The following CHEK1 variants were observed in gnomAD, a reference collection of about 807,000 sequenced individuals.
The protein encoded by CHEK1 is serine/threonine-protein kinase Chk1.
A neutral mutation model predicts 60.2 loss-of-function variants in CHEK1; 32 were observed. That is an observed-to-expected ratio of 0.53 (90% CI 0.40 to 0.71). CHEK1 has a LOEUF of 0.71. Ranked by LOEUF, CHEK1 falls within the 30% of genes least tolerant of loss-of-function variation. The pLI, the probability that CHEK1 is intolerant of heterozygous loss-of-function variation, is 0.00. For synonymous variants in CHEK1, 179 were observed against 187.2 expected (o/e 0.96, Z 0.36); for missense variants, 399 against 564.6 (o/e 0.71, Z 2.97).
chr11:125,654,057 G>T (rs1214198993), intron 12 of CHEK1, among the ~76,000 whole-genome samples: 6 of 152,002 alleles, frequency 3.9e-5, no homozygotes, highest in African/African-American at 1.4e-4. Context: ...TTTGCCAGGC[G>T]TGGTGGCTCA....
intron 3 of CHEK1, among the ~76,000 whole-genome samples, chr11:125,628,226 T>G (rs1372235460): frequency 5.3e-5 from 8 of 152,222 alleles, no homozygotes; most frequent in Non-Finnish European, 1.2e-4. Flanking sequence ...TAAAATAGCA[T>G]GCTGTTTCCT....
chr11:125,640,268 G>A (rs1162580115), intron 8 of CHEK1, among the ~76,000 whole-genome samples: 2 of 152,140 alleles, frequency 1.3e-5, no homozygotes, highest in African/African-American at 2.4e-5. Context: ...TTGGCCGGGC[G>A]CGGTGGCTCA....
chr11:125,663,148 A>G (rs557342931), intron 13 of CHEK1, among the ~76,000 whole-genome samples: 1 of 152,182 alleles, frequency 6.6e-6, no homozygotes, highest in East Asian at 1.9e-4. Flanking sequence ...AAAAAAAACA[A>G]ATATGTCTCC....
intron 11 of CHEK1, among the ~76,000 whole-genome samples, chr11:125,648,575 C>A (rs547208908): frequency 6.7e-6 from 1 of 150,082 alleles, no homozygotes; most frequent in East Asian, 1.9e-4. Flanking sequence ...GATCAAGACT[C>A]CGTCTCAAAA....
rs144289861 is a variant in CHEK1, at chr11:125,625,471, C to A, written c.-562C>A. On this transcript the variant is annotated 5_prime_UTR_variant, in exon 1 of 13. Coordinates refer to ENST00000438015, the MANE Select transcript of CHEK1 (RefSeq NM_001114122.3). ...CTCTCAGCAGCTGCTGCTGGTTTCT[C>A]GGCTCCAGCACCACGAGTACCGCAC... The A allele has an allele frequency of 1.4e-3, 504 of 356,710 alleles. 1 individual carries two copies. The highest frequency in any genetic ancestry group is 8.9e-3 in the African/African-American group (435 of 48,934). 22.1% of individuals were successfully genotyped at this position (356,710 alleles called of 1,614,324 possible). A position where few individuals can be genotyped will look rare whatever the true frequency, so the allele number is the denominator to read the frequency against.
intron 11 of CHEK1, among the ~76,000 whole-genome samples, chr11:125,650,974 T>G (rs1165765654): frequency 6.6e-6 from 1 of 152,150 alleles, no homozygotes; most frequent in Non-Finnish European, 1.5e-5. Context: ...AAATGCAAAG[T>G]TAGGGCACAT....
At chr11:125,675,753 G>T (rs762060291) in intron 13 of CHEK1, among the ~76,000 whole-genome samples, 63 of 152,182 alleles carry the variant, frequency 4.1e-4, no homozygotes, top group Admixed American at 5.9e-4. Flanking sequence ...ATAGCTTACA[G>T]TCAATGTCCC....
chr11:125,666,886 G>A (rs539433660), intron 13 of CHEK1, among the ~76,000 whole-genome samples: 303 of 150,606 alleles, frequency 2.0e-3, no homozygotes, highest in South Asian at 3.6e-3. Context: ...TCTTCGTAAA[G>A]TGAGTTTCTT....
downstream of CHEK1, among the ~76,000 whole-genome samples, chr11:125,678,645 G>T (rs1005969727): frequency 5.3e-5 from 8 of 152,072 alleles, no homozygotes; most frequent in African/African-American, 1.9e-4. Flanking sequence ...CAGGAAGTCA[G>T]GATACCATCC....
At chr11:125,665,151 C>G (rs1207943493) in intron 13 of CHEK1, among the ~76,000 whole-genome samples, 1 of 150,572 alleles carries the variant, frequency 6.6e-6, no homozygotes, top group Non-Finnish European at 1.5e-5. Context: ...ATCTGTATTC[C>G]AGTATCGGTC....
intron 1 of CHEK1, 156 bp downstream of exon 1, chr11:125,626,168 A>G (rs1940589067): frequency 1.6e-6 from 1 of 606,802 alleles, no homozygotes; most frequent in African/African-American, 1.8e-5. Flanking sequence ...GGGTGGAGGA[A>G]TGGTACCAGG....
chr11:125,661,765 G>T (rs1942021717), downstream of CHEK1, among the ~76,000 whole-genome samples: 3 of 151,914 alleles, frequency 2.0e-5, no homozygotes, highest in South Asian at 6.2e-4. Flanking sequence ...GACAATCAAA[G>T]ATCTTTACAC....
chr11:125,644,064 A>G (rs777866882), intron 9 of CHEK1, 27 bp from the exon 10 acceptor site: 4 of 1,598,360 alleles, frequency 2.5e-6, no homozygotes, highest in Admixed American at 3.6e-5. Context: ...TATTAAATGT[A>G]TGTTTCTTTC....
chr11:125,666,056 G>C, intron 13 of CHEK1, among the ~76,000 whole-genome samples: 1 of 149,252 alleles, frequency 6.7e-6, no homozygotes, highest in Non-Finnish European at 1.5e-5. Flanking sequence ...AAAAAAATTT[G>C]GTTCTTTGTT....
chr11:125,670,494 G>A (rs555159390), intron 13 of CHEK1, among the ~76,000 whole-genome samples: 3 of 152,098 alleles, frequency 2.0e-5, no homozygotes, highest in South Asian at 4.2e-4. Flanking sequence ...TGTTCTATTA[G>A]GTCTGTCTCC....
chr11:125,642,044 T>C (rs562612773), intron 8 of CHEK1, among the ~76,000 whole-genome samples: 33 of 152,284 alleles, frequency 2.2e-4, no homozygotes, highest in African/African-American at 7.5e-4. Flanking sequence ...GTTCTTCTTA[T>C]TGTTCTCCAA....
At chr11:125,635,038 G>A (rs1231000392) in intron 6 of CHEK1, among the ~76,000 whole-genome samples, 2 of 151,842 alleles carry the variant, frequency 1.3e-5, no homozygotes, top group African/African-American at 4.8e-5. Context: ...GCTCACTGCA[G>A]TCTTGACCTC....
chr11:125,671,781 T>C (rs1220010225), intron 13 of CHEK1: 6 of 152,202 alleles, frequency 3.9e-5, no homozygotes, highest in Non-Finnish European at 8.8e-5. Flanking sequence ...CAAAAAAGGA[T>C]GATGCCATCT....
chr11:125,643,491 T>G (rs1941381769), intron 8 of CHEK1: 1 of 195,444 alleles, frequency 5.1e-6, no homozygotes, highest in African/African-American at 2.4e-5. Flanking sequence ...AGACTCCGTC[T>G]CAAAAAAAGA....
Sources: gnomAD v4.1 joint callset for allele counts (sites outside exome capture counted in the v4.1 genomes callset) on GRCh38, gnomAD v4.1.1 for gene constraint, MANE v1.5 for transcripts, NCBI Gene and HGNC (gene_info 2026-07-23, HGNC 2026-07-21) for gene names.